Variants in TRIM64C observed in about 807,000 individuals in gnomAD.
The protein encoded by TRIM64C is tripartite motif-containing protein 64C.
Under a neutral mutation model 36.1 loss-of-function variants are expected in TRIM64C, and 25 were observed. That is an observed-to-expected ratio of 0.69 (90% confidence interval 0.51 to 0.97). The LOEUF is 0.97. Ranked by LOEUF, TRIM64C falls within the 50% of genes least tolerant of loss-of-function variation. TRIM64C has a pLI of 0.00. For synonymous variants in TRIM64C, 212 were observed against 185.7 expected (o/e 1.14, Z -1.15); for missense variants, 489 against 536.8 (o/e 0.91, Z 0.88).
rs746735785 is a variant in TRIM64C at position 49,053,915 on chromosome 11, G to T, written c.1152C>A (p.Ser384Arg). ...KTFFSISSKT[S>R]NHYSLSTNSP... ...AATTGGTGGAGAGACTATAGTGATTGCTCGTCTTTGAAGAAATTGAAAAAA... is the reference window on the plus strand; with the variant it reads ...AATTGGTGGAGAGACTATAGTGATTTCTCGTCTTTGAAGAAATTGAAAAAA... The change falls in exon 6 of 6, where the codon AGC becomes AGA. Residue 384 changes from serine (S) to arginine (R), a missense_variant. By Grantham distance (110) the Ser-to-Arg change is moderately radical. Transcript: ENST00000617704. 66 of 1,551,496 alleles carry T rather than the reference G, an allele frequency of 4.3e-5. No individual in the cohort carries two copies. The highest frequency in any genetic ancestry group is 5.2e-5 in the Non-Finnish European group (60 of 1,146,856).
At position 49,054,218 on chromosome 11, in the gene TRIM64C, A is replaced by T; in HGVS notation, c.860-11T>A. ...TCAGAGCATTATCCACTGACAAGGA[A>T]AAAATATTATATTAGTGAGTGCTAT... On this transcript the variant is annotated splice_polypyrimidine_tract_variant and intron_variant, in intron 5 of 5. Coordinates refer to ENST00000617704, the MANE Select transcript of TRIM64C (RefSeq NM_001206631.1). 1 of 1,550,348 alleles carries T rather than the reference A, an allele frequency of 6.5e-7. No individual in the cohort carries two copies. The highest frequency in any genetic ancestry group is 8.7e-7 in the Non-Finnish European group (1 of 1,146,244).
At chr11:49,056,247 A>G in intron 4 of TRIM64C, 112 bp downstream of exon 4, 4 of 838,202 alleles carry the variant, frequency 4.8e-6, no homozygotes, top group South Asian at 1.6e-5. Context: ...CTTTTGAAAC[A>G]AAATCAGAAA....
Position 49,058,985 on chromosome 11 carries a change from G to A in TRIM64C, c.128C>T (p.Ser43Leu), listed in dbSNP as rs1209885119. ...SFCRPCLCLC[S>L]EEGRAPMRCP... ...GCGCATTGGTGCTCTGCCTTCTTCT[G>A]AGCAGAGGCAGAGGCAGGGCCTGCA... Residue 43 changes from serine (S) to leucine (L), a missense_variant, in exon 1 of 6, where the codon TCA becomes TTA. Transcript: ENST00000617704. 1 of 1,551,408 alleles carries A rather than the reference G, an allele frequency of 6.4e-7. No individual in the cohort carries two copies. The highest frequency in any genetic ancestry group is 8.7e-7 in the Non-Finnish European group (1 of 1,146,892).
chr11:49,055,199 T>G (rs1026758041), intron 5 of TRIM64C, 111 bp downstream of exon 5: 34 of 1,341,234 alleles, frequency 2.5e-5, no homozygotes, highest in Non-Finnish European at 3.5e-5. Flanking sequence ...TTTGGAAAAC[T>G]ATGTATTACC....
Position 49,054,207 on chromosome 11 carries a change from A to T in TRIM64C, c.860T>A (p.Val287Glu). The T allele has an allele frequency of 6.4e-7, 1 of 1,551,016 alleles. No homozygotes were observed. Among genetic ancestry groups the T allele is most frequent in the Non-Finnish European group, 8.7e-7 (1 of 1,146,630 alleles). The change falls in exon 6 of 6, where the codon GTG (valine) becomes GAG (glutamate). Residue 287 changes from valine (V) to glutamate (E), a missense_variant and splice_region_variant. By Grantham distance (121) the Val-to-Glu change is moderately radical. Coordinates refer to ENST00000617704, the MANE Select transcript of TRIM64C (RefSeq NM_001206631.1). ...CATTTCTGTACTCAGAGCATTATCC[A>T]CTGACAAGGAAAAAATATTATATTA... is the stretch of plus-strand genomic sequence containing the variant. ...GVLDMLNNFR[V>E]DNALSTEMTP... is the part of the protein sequence containing the mutation.
chr11:49,054,675 A>T (rs1745399491), intron 5 of TRIM64C, among the ~76,000 whole-genome samples: 1 of 152,048 alleles, frequency 6.6e-6, no homozygotes, highest in South Asian at 2.1e-4. Context: ...TGAAAAGAAT[A>T]CTCTGGCTTT....
At chr11:49,056,051 A>T (rs1854809907) in intron 4 of TRIM64C, among the ~76,000 whole-genome samples, 1 of 151,186 alleles carries the variant, frequency 6.6e-6, no homozygotes, top group African/African-American at 2.4e-5. Context: ...ACCCCTCTAG[A>T]GTAGAAGACA....
At chr11:49,056,837 G>A (rs1458724936) in intron 3 of TRIM64C, among the ~76,000 whole-genome samples, 1 of 151,866 alleles carries the variant, frequency 6.6e-6, no homozygotes, top group South Asian at 2.1e-4. Context: ...AGGAACTAGG[G>A]CATATACATG....
intron 3 of TRIM64C, 132 bp downstream of exon 3, chr11:49,057,016 T>C (rs1486012406): frequency 7.9e-7 from 1 of 1,272,068 alleles, no homozygotes; most frequent in Non-Finnish European, 1.1e-6. Context: ...ACTGGAAAAA[T>C]GTAATGGTGG....
Position 49,057,388 on chromosome 11 carries a change from C to A in TRIM64C, c.508-10G>T. 1 of 1,549,140 alleles carries A rather than the reference C, an allele frequency of 6.5e-7. No individual in the cohort carries two copies. The highest frequency in any genetic ancestry group is 1.2e-5 in the South Asian group (1 of 83,950). ...TTAATGACACATAGTCCTGCAGAGA[C>A]GTTTGGTTAAAAGGATTACATGTTC... On this transcript the variant is annotated splice_polypyrimidine_tract_variant and intron_variant, in intron 2 of 5. Transcript: ENST00000617704.
intron 3 of TRIM64C, among the ~76,000 whole-genome samples, chr11:49,056,602 G>A (rs1270595565): frequency 1.3e-5 from 2 of 151,836 alleles, no homozygotes; most frequent in African/African-American, 2.4e-5. Flanking sequence ...AAGAGACGGT[G>A]GAGTAAAGCA....
chr11:49,058,794 T>C lies in TRIM64C; in HGVS notation c.319A>G (p.Lys107Glu), dbSNP rs1336205669. The C allele has an allele frequency of 1.3e-6, 2 of 1,548,920 alleles. No individual in the cohort carries two copies. Among genetic ancestry groups the C allele is most frequent in the Non-Finnish European group, 1.7e-6 (2 of 1,146,772 alleles). The change falls in exon 1 of 6, where the codon AAG becomes GAG. Residue 107 changes from lysine (K) to glutamate (E), a missense_variant. Transcript: ENST00000617704. Reference protein sequence around the residue: ...ETKELFCEADKRLLCGPCSES... With the variant: ...ETKELFCEADERLLCGPCSES... ...GAGCAGGGCCCACAGAGCAATCTCT[T>C]GTCAGCCTCACAGAAGAGCTCCTTA... is the stretch of plus-strand genomic sequence containing the variant.
At chr11:49,056,145 C>T (rs1854810990) in intron 4 of TRIM64C, among the ~76,000 whole-genome samples, 1 of 151,560 alleles carries the variant, frequency 6.6e-6, no homozygotes. Flanking sequence ...GAACAAACTT[C>T]CGAATGGCAA....
chr11:49,054,975 A>C (rs1315616322), intron 5 of TRIM64C, among the ~76,000 whole-genome samples: 5 of 152,260 alleles, frequency 3.3e-5, no homozygotes, highest in African/African-American at 1.2e-4. Flanking sequence ...TGCCAAATCT[A>C]AGCCTTTAAG....
At chr11:49,054,290 C>G (rs1458168660) in intron 5 of TRIM64C, 83 bp from the exon 6 acceptor site, 1 of 1,447,898 alleles carries the variant, frequency 6.9e-7, no homozygotes, top group Non-Finnish European at 9.2e-7. Flanking sequence ...ATTTGCTCTT[C>G]TTCCAAGGAA....
chr11:49,055,486 A>G lies in TRIM64C; in HGVS notation c.762-79T>C. 4 of 1,508,444 alleles carry G rather than the reference A, an allele frequency of 2.7e-6. 1 individual carries two copies. The South Asian group carries it at 4.9e-5, about 18-fold the overall frequency. 93.4% of individuals were successfully genotyped at this position (1,508,444 alleles called of 1,614,324 possible). ...AGTCATATGAAGATATCATATTTTC[A>G]TATAAGATGTTTCCTCAGAATTCTG... On this transcript the variant is annotated intron_variant, in intron 4 of 5. Coordinates refer to ENST00000617704, the MANE Select transcript of TRIM64C (RefSeq NM_001206631.1).
intron 3 of TRIM64C, among the ~76,000 whole-genome samples, 185 bp downstream of exon 3, chr11:49,056,963 G>A (rs545457107): frequency 6.9e-4 from 105 of 151,934 alleles, no homozygotes; most frequent in Middle Eastern, 6.8e-3. Context: ...TACTAAAATG[G>A]CAAAAATTTC....
In TRIM64C at chr11:49,059,077, CT is replaced by C. The variant is rs1219383457; in HGVS notation, c.35del (p.Glu12GlyfsTer8). ...DSDTLRVFQN[E>X]LICCICVNYF... ...AGTTCACGCAAATGCAGCAAATGAG[CT>C]CATTCTGGAAGACTCGCAGGGTGTC... is the stretch of plus-strand genomic sequence containing the variant. On this transcript the variant is annotated frameshift_variant, in exon 1 of 6. Transcript: ENST00000617704. LOFTEE classifies it high-confidence loss of function. The C allele has an allele frequency of 1.9e-6, 3 of 1,550,940 alleles. No individual in the cohort carries two copies. In the African/African-American group the frequency reaches 4.2e-5, roughly 21 times the overall value.
chr11:49,056,813 A>T (rs1319725404), intron 3 of TRIM64C, among the ~76,000 whole-genome samples: 3 of 151,938 alleles, frequency 2.0e-5, no homozygotes, highest in African/African-American at 4.9e-5. Flanking sequence ...CTGTGTGGAC[A>T]TCAGAGAGTG....
Sources: gnomAD v4.1 joint callset for allele counts (sites outside exome capture counted in the v4.1 genomes callset) on GRCh38, gnomAD v4.1.1 for gene constraint, MANE v1.5 for transcripts, NCBI Gene and HGNC (gene_info 2026-07-23, HGNC 2026-07-21) for gene names.